Variants in STARD8 observed in about 807,000 individuals in gnomAD.
The protein encoded by STARD8 is StAR related lipid transfer domain containing 8, also known as stAR-related lipid transfer protein 8.
Under a neutral mutation model 69.4 loss-of-function variants are expected in STARD8, and 25 were observed. The observed-to-expected ratio is 0.36, with a 90% CI of 0.26 to 0.50. The LOEUF is 0.50. Ranked by LOEUF, STARD8 falls within the 20% of genes least tolerant of loss-of-function variation. The pLI is 0.96. For synonymous variants in STARD8, 389 were observed against 374.6 expected, an observed-to-expected ratio of 1.04 and a Z score of -0.45; for missense variants, 921 against 932.5, an observed-to-expected ratio of 0.99 and a Z score of 0.16.
rs769056270 is a variant in STARD8, at chrX:68,717,282, G to C, written c.368G>C (p.Cys123Ser). Residue 123 changes from cysteine to serine, a missense_variant, in exon 6 of 15, where the codon TGC becomes TCC. Physicochemically the swap from Cys to Ser is moderately radical, Grantham distance 112 (BLOSUM62 -1). Coordinates refer to ENST00000374599, the MANE Select transcript of STARD8 (RefSeq NM_001142503.3). ...SHWAFQQESK[C>S]WSPMGSSDLL... is the part of the protein sequence containing the mutation. Reference sequence around the variant, plus strand: ...TGGGCCTTCCAGCAGGAAAGTAAGTGCTGGTCTCCTATGGGGTCCTCTGAT... The same window carrying C: ...TGGGCCTTCCAGCAGGAAAGTAAGTCCTGGTCTCCTATGGGGTCCTCTGAT... 6 of 1,205,223 alleles carry C rather than the reference G, an allele frequency of 5.0e-6. No individual in the cohort carries two copies. The South Asian group carries it at 9.0e-5, about 18-fold the overall frequency.
At chrX:68,652,027 T>G (rs1247733417) in intron 1 of STARD8, among the ~76,000 whole-genome samples, 3 of 107,794 alleles carry the variant, frequency 2.8e-5, no homozygotes, top group Non-Finnish European at 5.8e-5. Context: ...TTTTTTTTTT[T>G]TTGTATTTTT....
chrX:68,665,683 G>T (rs1001674270), intron 2 of STARD8, among the ~76,000 whole-genome samples, 151 bp downstream of exon 2: 1 of 112,067 alleles, frequency 8.9e-6, no homozygotes, highest in Non-Finnish European at 1.9e-5. Context: ...CCTCCACTGG[G>T]CATTTGCTGT....
intron 1 of STARD8, among the ~76,000 whole-genome samples, chrX:68,659,207 A>G (rs2079629536): frequency 8.9e-6 from 1 of 112,156 alleles, no homozygotes; most frequent in Non-Finnish European, 1.9e-5. Flanking sequence ...ATGGGTGCTC[A>G]GTAAATATGA....
rs1437095163 is a variant in STARD8, at chrX:68,647,945, C to T, written c.45+18C>T. 5 of 1,191,355 alleles carry T rather than the reference C, an allele frequency of 4.2e-6. No homozygotes were observed. Among genetic ancestry groups the T allele is most frequent in the South Asian group, 3.7e-5 (2 of 53,983 alleles). On this transcript the variant is annotated intron_variant, in intron 1 of 14. Transcript: ENST00000374599. Reference sequence around the variant, plus strand: ...AGGTGAAGGTAAGTGACTGGCCAGCCCCAGCCCATCCCGCTGCTCAGGGGG... The same window carrying T: ...AGGTGAAGGTAAGTGACTGGCCAGCTCCAGCCCATCCCGCTGCTCAGGGGG...
chrX:68,673,819 G>C (rs1194328502), intron 2 of STARD8, among the ~76,000 whole-genome samples: 2 of 111,761 alleles, frequency 1.8e-5, no homozygotes, highest in African/African-American at 6.5e-5. Context: ...GGAATAACAA[G>C]GCCTTCACCA....
intron 2 of STARD8, among the ~76,000 whole-genome samples, chrX:68,694,662 G>A (rs942043173): frequency 9.0e-6 from 1 of 111,299 alleles, no homozygotes; most frequent in African/African-American, 3.3e-5. Flanking sequence ...TAAAGGGCCC[G>A]GTCTCTTTCA....
intron 2 of STARD8, among the ~76,000 whole-genome samples, chrX:68,696,696 G>T (rs2079922532): frequency 9.0e-6 from 1 of 111,180 alleles, no homozygotes; most frequent in Non-Finnish European, 1.9e-5. Context: ...CACTTCACTG[G>T]ATTAAACTAG....
intron 2 of STARD8, among the ~76,000 whole-genome samples, chrX:68,685,405 G>A (rs1765052901): frequency 9.0e-6 from 1 of 111,397 alleles, no homozygotes; most frequent in African/African-American, 3.3e-5. Context: ...GTAACTTTTG[G>A]CCTTATCTCC....
Position 68,696,561 on chromosome X carries a change from C to A in STARD8, c.80-16353C>A, listed in dbSNP as rs756701005. ...GAATTTTAGAACTGAATGTTAAGTT[C>A]CCTAGGAGTTCAGGGTGGTGTGGAG... On this transcript the variant is annotated intron_variant, in intron 2 of 14. Coordinates refer to ENST00000374599, the MANE Select transcript of STARD8 (RefSeq NM_001142503.3). Among the ~76,000 whole-genome samples, 7 of 111,910 alleles carry A rather than the reference C, an allele frequency of 6.3e-5. No individual in the cohort carries two copies. In the South Asian group the frequency reaches 2.6e-3, roughly 41 times the overall value.
At chrX:68,702,893 T>G (rs2079976934) in intron 2 of STARD8, among the ~76,000 whole-genome samples, 1 of 111,729 alleles carries the variant, frequency 9.0e-6, no homozygotes, top group Non-Finnish European at 1.9e-5. Context: ...TGTATAACTA[T>G]TAGTGTCTGC....
At chrX:68,699,363 A>G (rs939883307) in intron 2 of STARD8, among the ~76,000 whole-genome samples, 4 of 112,379 alleles carry the variant, frequency 3.6e-5, no homozygotes, top group African/African-American at 1.3e-4. Context: ...CTGCTCACTC[A>G]TGTTCAATAC....
In STARD8 at chrX:68,717,536, A is replaced by T. The variant is rs1569371045; in HGVS notation, c.622A>T (p.Ser208Cys). ...DKAKKRHRNR[S>C]FLKHLESLRR... ...AGCCAAGAAGCGCCATCGTAACCGT[A>T]GCTTCCTCAAGCACCTTGAATCTCT... is the stretch of plus-strand genomic sequence containing the variant. The change falls in exon 6 of 15, where the codon AGC becomes TGC. Residue 208 changes from serine (S) to cysteine (C), a missense_variant. Ser to Cys is a moderately radical substitution (Grantham distance 112). Coordinates refer to ENST00000374599, the MANE Select transcript of STARD8 (RefSeq NM_001142503.3). The T allele has an allele frequency of 2.5e-6, 3 of 1,211,090 alleles. No homozygotes were observed. The highest frequency in any genetic ancestry group is 2.2e-6 in the Non-Finnish European group (2 of 895,519).
intron 1 of STARD8, among the ~76,000 whole-genome samples, chrX:68,649,499 G>C (rs2079534260): frequency 9.1e-6 from 1 of 110,324 alleles, no homozygotes; most frequent in Admixed American, 9.8e-5. Flanking sequence ...GAGAAAAGTA[G>C]GGATAATGTC....
intron 2 of STARD8, among the ~76,000 whole-genome samples, chrX:68,668,478 C>T (rs930188533): frequency 2.8e-5 from 3 of 109,030 alleles, no homozygotes; most frequent in East Asian, 2.9e-4. Context: ...AGGGGTGCAT[C>T]GCCACGCCCA....
rs766893686 is a variant in STARD8, at chrX:68,697,279, GGAGTGATT to G, written c.80-15633_80-15626del. Among the ~76,000 whole-genome samples the G allele has an allele frequency of 5.3e-3, 597 of 111,902 alleles. 3 individuals carry two copies. Among genetic ancestry groups the G allele is most frequent in the African/African-American group, 0.019 (578 of 30,722 alleles). ...TTCTGCCCTGGGAAATCCATTCCAG[GGAGTGATT>G]GCTTTTGACTGAGGGGAAGGTGACG... On this transcript the variant is annotated intron_variant, in intron 2 of 14. Coordinates refer to ENST00000374599, the MANE Select transcript of STARD8 (RefSeq NM_001142503.3).
intron 2 of STARD8, among the ~76,000 whole-genome samples, chrX:68,693,066 C>A (rs1254085848): frequency 8.9e-6 from 1 of 112,831 alleles, no homozygotes. Context: ...TGGAAGCCCT[C>A]CCCTGCCACG....
At chrX:68,652,936 A>C (rs1424100228) in intron 1 of STARD8, among the ~76,000 whole-genome samples, 2 of 31,021 alleles carry the variant, frequency 6.4e-5, no homozygotes, top group Non-Finnish European at 1.2e-4. Context: ...CACACACACC[A>C]CACACACACA....
In STARD8 at chrX:68,652,878, C is replaced by CACA. The variant is rs1569350769; in HGVS notation, c.45+4951_45+4952insACA. Among the ~76,000 whole-genome samples, 47 of 22,655 alleles carry CACA rather than the reference C, an allele frequency of 2.1e-3. 2 individuals carry two copies. The highest frequency in any genetic ancestry group is 6.2e-3 in the African/African-American group (37 of 5,923). The allele number at this position is 22,655 out of a possible 115,157, so 19.7% of individuals were successfully genotyped here. ...CACACCACACACACACACACCCACACCCCACACACACACACCACACCACAC... is the reference window on the plus strand; with the variant it reads ...CACACCACACACACACACACCCACACACACCCACACACACACACCACACCACAC... On this transcript the variant is annotated intron_variant, in intron 1 of 14. Transcript: ENST00000374599.
In STARD8 at chrX:68,721,731, AT is replaced by A; in HGVS notation, c.2445del (p.Asp815GlufsTer22). 8.3e-7 allele frequency: 1 copy of A among 1,210,999 alleles called. No individual in the cohort carries two copies. The highest frequency in any genetic ancestry group is 1.1e-6 in the Non-Finnish European group (1 of 894,733). On this transcript the variant is annotated frameshift_variant, in exon 10 of 15. Transcript: ENST00000374599. LOFTEE classifies it high-confidence loss of function. ...TTCCACCTCAATGTCTCTAAGAAGG[AT>A]AGCCCCTCTCCCAGGTGAAATGGTG... is the stretch of plus-strand genomic sequence containing the variant. ...SIFHLNVSKK[D>X]SPSPRIKSKR... is the part of the protein sequence containing the mutation.
Sources: allele counts gnomAD v4.1 joint callset (sites outside exome capture counted in the v4.1 genomes callset), GRCh38; gene constraint gnomAD v4.1.1; transcripts MANE v1.5; gene names NCBI Gene and HGNC (gene_info 2026-07-23, HGNC 2026-07-21).